Variants in CSGALNACT1 observed in about 807,000 individuals in gnomAD.
CSGALNACT1 encodes beta4GalNAcT-1.
In CSGALNACT1, 52 loss-of-function variants were observed where a neutral mutation model predicts 51.0. The observed-to-expected ratio is 1.02, with a 90% CI of 0.82 to 1.29. The LOEUF (loss-of-function observed/expected upper bound fraction) is 1.29, where lower values mean the gene tolerates loss of function less well. CSGALNACT1 is among the 50% of genes most tolerant of loss of function. The pLI, the probability that CSGALNACT1 is intolerant of heterozygous loss-of-function variation, is 0.00. For missense variants in CSGALNACT1, 935 were observed against 679.2 expected, an observed-to-expected ratio of 1.38 and a Z score of -4.19; for synonymous variants, 341 against 254.4, an observed-to-expected ratio of 1.34 and a Z score of -3.24.
chr8:19,612,872 A>AAGGC (rs1389146442), intron 1 of CSGALNACT1, among the ~76,000 whole-genome samples: 1 of 149,148 alleles, frequency 6.7e-6, no homozygotes, highest in African/African-American at 2.5e-5. Flanking sequence ...GCAACTAAAT[A>AAGGC]AGGCAGTTGT....
rs1589280941 is a variant in CSGALNACT1 at position 19,653,101 on chromosome 8, C to G, written c.-544+29372G>C. Among the ~76,000 whole-genome samples the G allele has an allele frequency of 2.0e-5, 3 of 152,080 alleles. No individual in the cohort carries two copies. In the South Asian group the frequency reaches 6.2e-4, roughly 32 times the overall value. ...CTGAACCCACTGCCACAGTTCGAAC[C>G]AACTCCCCCCTCCTAGAATCACTGT... On this transcript the variant is annotated intron_variant, in intron 1 of 9. Coordinates refer to the CSGALNACT1 transcript ENST00000332246.
chr8:19,464,190 C>G (rs139786817), intron 4 of CSGALNACT1, among the ~76,000 whole-genome samples: 1 of 152,316 alleles, frequency 6.6e-6, no homozygotes, highest in East Asian at 1.9e-4. Flanking sequence ...CCACATTCAT[C>G]CCTGCCTTCC....
chr8:19,538,004 C>T (rs1343117711), intron 3 of CSGALNACT1, among the ~76,000 whole-genome samples: 1 of 152,126 alleles, frequency 6.6e-6, no homozygotes, highest in African/African-American at 2.4e-5. Context: ...AAAGGACTAG[C>T]ACCAACCTTT....
chr8:19,682,521 G>A, exon 1 of CSGALNACT1: 2 of 402,012 alleles, frequency 5.0e-6, no homozygotes, highest in East Asian at 7.3e-5. Context: ...CCTGCCCGGG[G>A]ACGTATGGTC....
chr8:19,596,352 T>C (rs2048898182), intron 2 of CSGALNACT1, among the ~76,000 whole-genome samples: 1 of 151,992 alleles, frequency 6.6e-6, no homozygotes, highest in African/African-American at 2.4e-5. Context: ...AGGGGGAAAA[T>C]GAAAAAGCCT....
intron 4 of CSGALNACT1, among the ~76,000 whole-genome samples, chr8:19,468,207 G>A (rs781408225): frequency 5.9e-5 from 9 of 152,116 alleles, no homozygotes; most frequent in Non-Finnish European, 1.3e-4. Context: ...GACTGAGCAT[G>A]TGTTGGCCAA....
At chr8:19,602,997 C>G (rs1250575048), upstream of CSGALNACT1, among the ~76,000 whole-genome samples, 1 of 149,408 alleles carries the variant, frequency 6.7e-6, no homozygotes, top group African/African-American at 2.5e-5. Flanking sequence ...TACATACATA[C>G]ACAAATATAT....
intron 5 of CSGALNACT1, among the ~76,000 whole-genome samples, chr8:19,443,653 C>G (rs544599719): frequency 7.2e-5 from 11 of 152,282 alleles, no homozygotes; most frequent in East Asian, 1.9e-4. Context: ...AAACTGCACT[C>G]GTGATTCAAT....
At chr8:19,610,901 T>C (rs1182115503) in intron 1 of CSGALNACT1, among the ~76,000 whole-genome samples, 2 of 152,164 alleles carry the variant, frequency 1.3e-5, no homozygotes, top group African/African-American at 2.4e-5. Context: ...AAAGAGCACA[T>C]GGTAGCACAT....
intron 3 of CSGALNACT1, among the ~76,000 whole-genome samples, chr8:19,533,773 T>C (rs2083231308): frequency 6.6e-6 from 1 of 152,206 alleles, no homozygotes; most frequent in East Asian, 1.9e-4. Flanking sequence ...TGCTCATTGC[T>C]GTAGGCATAT....
intron 1 of CSGALNACT1, among the ~76,000 whole-genome samples, chr8:19,736,900 C>T (rs1319457276): frequency 1.3e-5 from 2 of 148,624 alleles, no homozygotes; most frequent in African/African-American, 2.5e-5. Context: ...TCCTTGAGTT[C>T]AGGAATCTCA....
At chr8:19,590,710 C>T (rs919868786) in intron 3 of CSGALNACT1, among the ~76,000 whole-genome samples, 11 of 126,918 alleles carry the variant, frequency 8.7e-5, no homozygotes, top group South Asian at 2.5e-4. Flanking sequence ...AGTGCATTGG[C>T]GCGATCTCGG....
At chr8:19,501,117 G>C (rs74612143) in intron 4 of CSGALNACT1, among the ~76,000 whole-genome samples, 1 of 151,552 alleles carries the variant, frequency 6.6e-6, no homozygotes, top group Non-Finnish European at 1.5e-5. Flanking sequence ...AAGCATAGTG[G>C]CACGTGCCTG....
rs528327967 is a variant in CSGALNACT1, at chr8:19,555,482, G to T, written c.-297+35678C>A. Among the ~76,000 whole-genome samples the T allele has an allele frequency of 3.3e-5, 5 of 152,260 alleles. No homozygotes were observed. The South Asian group carries it at 1.0e-3, about 32-fold the overall frequency. On this transcript the variant is annotated intron_variant, in intron 3 of 9. Coordinates refer to ENST00000454498, the Ensembl canonical transcript of CSGALNACT1. ...ACTCCCAAACTTTTCGAGATTTCAC[G>T]TGCTTCCCATAGTACTTTCTGACCT...
At chr8:19,529,816 T>C (rs1255561931) in intron 3 of CSGALNACT1, among the ~76,000 whole-genome samples, 2 of 152,234 alleles carry the variant, frequency 1.3e-5, no homozygotes, top group Admixed American at 6.5e-5. Flanking sequence ...CTGTATACTT[T>C]AAATCATCTC....
At chr8:19,660,172 C>T (rs994596166) in intron 1 of CSGALNACT1, among the ~76,000 whole-genome samples, 10 of 152,166 alleles carry the variant, frequency 6.6e-5, no homozygotes, top group South Asian at 2.1e-4. Context: ...ATACCCACAT[C>T]GATACAGGGC....
chr8:19,505,944 A>G (rs996776710), exon 4 of CSGALNACT1: 1 of 1,279,988 alleles, frequency 7.8e-7, no homozygotes, highest in Non-Finnish European at 1.1e-6. Context: ...GGGCCCCCGG[A>G]GCTGCTTGCA....
intron 1 of CSGALNACT1, among the ~76,000 whole-genome samples, chr8:19,643,095 A>G (rs1311420039): frequency 6.6e-6 from 1 of 152,094 alleles, no homozygotes. Flanking sequence ...AAATTAATAA[A>G]TTGAATTAGT....
At chr8:19,516,673 CAAGTGTTTCT>C (rs1271615295) in intron 3 of CSGALNACT1, among the ~76,000 whole-genome samples, 1 of 152,206 alleles carries the variant, frequency 6.6e-6, no homozygotes, top group East Asian at 1.9e-4. Flanking sequence ...TCGCAACATT[CAAGTGTTTCT>C]AAGTGATTCC....
Sources: allele counts gnomAD v4.1 joint callset (sites outside exome capture counted in the v4.1 genomes callset), GRCh38; gene constraint gnomAD v4.1.1; transcripts MANE v1.5; gene names NCBI Gene and HGNC (gene_info 2026-07-23, HGNC 2026-07-21).